The following KCNQ3 variants were observed in gnomAD, a reference collection of about 807,000 sequenced individuals.
KCNQ3 encodes potassium voltage-gated channel subfamily Q member 3.
A neutral mutation model predicts 92.5 loss-of-function variants in KCNQ3; 30 were observed. The ratio of observed to expected loss-of-function variants is 0.32; its 90% CI spans 0.24 to 0.44. KCNQ3 has a LOEUF of 0.44. Among genes scored for constraint, KCNQ3 ranks in the 20% least tolerant of loss-of-function variants. The pLI, the probability that KCNQ3 is intolerant of heterozygous loss-of-function variation, is 1.00. For synonymous variants in KCNQ3, 450 were observed against 468.8 expected, an observed-to-expected ratio of 0.96 and a Z score of 0.52; for missense variants, 913 against 1,140.3, an observed-to-expected ratio of 0.80 and a Z score of 2.87.
chr8:132,146,514 TGAA>T (rs903874981), intron 9 of KCNQ3, among the ~76,000 whole-genome samples: 12 of 152,130 alleles, frequency 7.9e-5, no homozygotes, highest in African/African-American at 2.4e-4. Flanking sequence ...TTAATAGAAA[TGAA>T]GTTTTAGTTC....
chr8:132,288,730 T>G (rs926346978), intron 1 of KCNQ3, among the ~76,000 whole-genome samples: 1 of 152,162 alleles, frequency 6.6e-6, no homozygotes, highest in East Asian at 1.9e-4. Flanking sequence ...CTCTGGATCT[T>G]GAGATCCTTC....
At chr8:132,339,675 G>C (rs1272845193) in intron 1 of KCNQ3, among the ~76,000 whole-genome samples, 1 of 152,070 alleles carries the variant, frequency 6.6e-6, no homozygotes, top group Non-Finnish European at 1.5e-5. Flanking sequence ...CACCTGGAGA[G>C]GGCTTATATG....
chr8:132,347,638 CT>C (rs1818732925), intron 1 of KCNQ3, among the ~76,000 whole-genome samples: 1 of 152,192 alleles, frequency 6.6e-6, no homozygotes, highest in Admixed American at 6.5e-5. Context: ...AATAACTACT[CT>C]TTAAACTGAG....
At chr8:132,187,264 G>T (rs1330313640) in intron 1 of KCNQ3, 1 of 456,012 alleles carries the variant, frequency 2.2e-6, no homozygotes, top group South Asian at 1.5e-5. Flanking sequence ...CGCATACAGA[G>T]CTGGAATTCA....
intron 1 of KCNQ3, among the ~76,000 whole-genome samples, chr8:132,443,469 G>A (rs915878663): frequency 1.3e-5 from 2 of 152,148 alleles, no homozygotes; most frequent in East Asian, 3.9e-4. Context: ...GGGCCTGGAT[G>A]GAGATGTCCA....
At chr8:132,260,494 T>C (rs1406539156) in intron 1 of KCNQ3, among the ~76,000 whole-genome samples, 1 of 152,096 alleles carries the variant, frequency 6.6e-6, no homozygotes, top group Non-Finnish European at 1.5e-5. Context: ...ATACATAGTA[T>C]GCCATATTGG....
intron 1 of KCNQ3, among the ~76,000 whole-genome samples, chr8:132,254,620 G>A (rs1430572993): frequency 6.6e-6 from 1 of 152,216 alleles, no homozygotes; most frequent in Non-Finnish European, 1.5e-5. Flanking sequence ...GGTGGCTCAT[G>A]CCTGTAATCT....
intron 11 of KCNQ3, 91 bp from the exon 12 acceptor site, chr8:132,138,107 A>G: frequency 6.9e-7 from 1 of 1,447,906 alleles, no homozygotes; most frequent in Non-Finnish European, 9.6e-7. Flanking sequence ...GCAGGGGGAG[A>G]AAAGAACCAA....
intron 1 of KCNQ3, among the ~76,000 whole-genome samples, chr8:132,304,915 G>A (rs753201049): frequency 3.9e-5 from 6 of 152,068 alleles, no homozygotes; most frequent in African/African-American, 7.2e-5. Context: ...AATTAATATC[G>A]ATTGGGAAAT....
chr8:132,245,793 T>G (rs975998483), intron 1 of KCNQ3, among the ~76,000 whole-genome samples: 1 of 152,226 alleles, frequency 6.6e-6, no homozygotes, highest in Admixed American at 6.5e-5. Flanking sequence ...TCTCAACATA[T>G]ATGCTGCTAC....
chr8:132,287,038 C>T (rs1816697486), intron 1 of KCNQ3, among the ~76,000 whole-genome samples: 1 of 147,974 alleles, frequency 6.8e-6, no homozygotes, highest in Non-Finnish European at 1.5e-5. Flanking sequence ...CCAAAATAAA[C>T]CTCTTTTCAG....
At chr8:132,132,696 G>T (rs1484121687) in intron 13 of KCNQ3, among the ~76,000 whole-genome samples, 1 of 152,134 alleles carries the variant, frequency 6.6e-6, no homozygotes, top group Non-Finnish European at 1.5e-5. Context: ...CTTACAGTGG[G>T]TATAAATATT....
intron 1 of KCNQ3, among the ~76,000 whole-genome samples, chr8:132,454,555 T>C (rs376069701): frequency 6.6e-6 from 1 of 152,096 alleles, no homozygotes; most frequent in East Asian, 1.9e-4. Context: ...GACGAAGAAA[T>C]GGAGACCCAG....
intron 10 of KCNQ3, 57 bp from the exon 11 acceptor site, chr8:132,140,235 A>G (rs1586762906): frequency 7.7e-7 from 1 of 1,301,854 alleles, no homozygotes; most frequent in South Asian, 1.2e-5. Context: ...AGGCTTGGGG[A>G]CCCCACTGTT....
chr8:132,432,166 T>A (rs1049733209), intron 1 of KCNQ3, among the ~76,000 whole-genome samples: 16 of 152,188 alleles, frequency 1.1e-4, no homozygotes, highest in African/African-American at 3.4e-4. Flanking sequence ...GACCACTTCA[T>A]ACTTGTCATC....
chr8:132,345,946 G>T (rs1178838201), intron 1 of KCNQ3, among the ~76,000 whole-genome samples: 1 of 151,942 alleles, frequency 6.6e-6, no homozygotes, highest in East Asian at 1.9e-4. Flanking sequence ...TGATGATGAT[G>T]GTGATGATGA....
At chr8:132,379,469 C>CA (rs762813558) in intron 1 of KCNQ3, among the ~76,000 whole-genome samples, 16 of 152,088 alleles carry the variant, frequency 1.1e-4, no homozygotes, top group Non-Finnish European at 2.1e-4. Context: ...ACAATAGCTC[C>CA]AAGCACCCTA....
chr8:132,251,402 T>A (rs765967188), intron 1 of KCNQ3, among the ~76,000 whole-genome samples: 1 of 152,238 alleles, frequency 6.6e-6, no homozygotes, highest in Non-Finnish European at 1.5e-5. Flanking sequence ...GATGACCCCG[T>A]TGAAGATGCT....
At chr8:132,432,225 GCA>G in intron 1 of KCNQ3, among the ~76,000 whole-genome samples, 1 of 152,136 alleles carries the variant, frequency 6.6e-6, no homozygotes, top group South Asian at 2.1e-4. Context: ...GGCCCTCAGT[GCA>G]CGTTTGCAGA....
Sources: allele counts gnomAD v4.1 joint callset (sites outside exome capture counted in the v4.1 genomes callset), GRCh38; gene constraint gnomAD v4.1.1; transcripts MANE v1.5; gene names NCBI Gene and HGNC (gene_info 2026-07-23, HGNC 2026-07-21).